CFAP210: variants seen among roughly 807,000 people sequenced by gnomAD.
CFAP210 encodes cilia- and flagella- associated protein 210.
the CFAP210 span, among the ~76,000 whole-genome samples, chr2:169,659,898 A>C: frequency 1.3e-5 from 2 of 152,124 alleles, no homozygotes; most frequent in South Asian, 4.1e-4. Context: ...TGTGTCTAGG[A>C]ACTTATCCAT....
chr2:169,663,613 T>C, the CFAP210 span, among the ~76,000 whole-genome samples: 2 of 152,204 alleles, frequency 1.3e-5, no homozygotes, highest in African/African-American at 4.8e-5. Context: ...ACTGTACAGT[T>C]AAGTGAGCCA....
At chr2:169,683,893 G>A in the CFAP210 span, among the ~76,000 whole-genome samples, 1 of 152,196 alleles carries the variant, frequency 6.6e-6, no homozygotes, top group East Asian at 1.9e-4. Context: ...CAGAAAGCTT[G>A]GGAAAGGCTT....
the CFAP210 span, among the ~76,000 whole-genome samples, chr2:169,647,417 G>GA: frequency 1.3e-5 from 2 of 151,956 alleles, no homozygotes; most frequent in Non-Finnish European, 2.9e-5. Flanking sequence ...AATATATAAA[G>GA]AAAAAGTTCC....
At chr2:169,659,595 T>G in the CFAP210 span, among the ~76,000 whole-genome samples, 1 of 152,296 alleles carries the variant, frequency 6.6e-6, no homozygotes, top group South Asian at 2.1e-4. Flanking sequence ...ATCTAATCAC[T>G]TCCCATCAGG....
chr2:169,645,925 A>G, the CFAP210 span: 2 of 1,613,972 alleles, frequency 1.2e-6, no homozygotes, highest in African/African-American at 2.7e-5. Flanking sequence ...GCTGGACTCC[A>G]GTAACATCAT....
chr2:169,662,271 TC>T, the CFAP210 span: 2 of 1,589,830 alleles, frequency 1.3e-6, no homozygotes, highest in South Asian at 2.4e-5. Context: ...TTTTGCCCTT[TC>T]AACTTACAAG....
chr2:169,682,261 A>T, the CFAP210 span, among the ~76,000 whole-genome samples: 2 of 152,246 alleles, frequency 1.3e-5, no homozygotes, highest in South Asian at 4.1e-4. Context: ...TAAGTAATGG[A>T]CTCAATCTCC....
chr2:169,659,789 C>A, the CFAP210 span, among the ~76,000 whole-genome samples: 1 of 152,180 alleles, frequency 6.6e-6, no homozygotes, highest in African/African-American at 2.4e-5. Flanking sequence ...TCAAAAGTTT[C>A]TTTACTGGAA....
At chr2:169,676,805 A>AT in the CFAP210 span, among the ~76,000 whole-genome samples, 1 of 152,194 alleles carries the variant, frequency 6.6e-6, no homozygotes, top group Non-Finnish European at 1.5e-5. Context: ...AGAAAAAAAA[A>AT]CAAGTGAGAA....
chr2:169,681,723 G>A, the CFAP210 span, among the ~76,000 whole-genome samples: 6 of 152,086 alleles, frequency 3.9e-5, no homozygotes, highest in Non-Finnish European at 7.4e-5. Flanking sequence ...GGGCCTAATT[G>A]GTTTAAGAAC....
At chr2:169,653,298 G>C in the CFAP210 span, among the ~76,000 whole-genome samples, 1 of 151,710 alleles carries the variant, frequency 6.6e-6, no homozygotes, top group South Asian at 2.1e-4. Context: ...GCAGAGGCCA[G>C]TCCAGTGCAG....
the CFAP210 span, among the ~76,000 whole-genome samples, chr2:169,650,715 A>G: frequency 6.7e-6 from 1 of 148,178 alleles, no homozygotes; most frequent in Non-Finnish European, 1.5e-5. Flanking sequence ...TAAAATCCAA[A>G]GACAGTAATA....
chr2:169,689,909 C>T, the CFAP210 span, among the ~76,000 whole-genome samples: 1 of 152,092 alleles, frequency 6.6e-6, no homozygotes, highest in East Asian at 1.9e-4. Context: ...TTAAACCAAC[C>T]TTGCATTCTT....
chr2:169,645,435 TTC>T, the CFAP210 span: 7 of 160,856 alleles, frequency 4.4e-5, no homozygotes, highest in Admixed American at 4.2e-4. Flanking sequence ...CACAGTATGA[TTC>T]TGTTTATTCA....
chr2:169,694,383 G>A, the CFAP210 span: 12 of 1,557,766 alleles, frequency 7.7e-6, no homozygotes, highest in Admixed American at 1.4e-4. Flanking sequence ...GACGCCAGCC[G>A]GTGGAGTTGT....
chr2:169,681,801 C>G, the CFAP210 span, among the ~76,000 whole-genome samples: 1 of 152,184 alleles, frequency 6.6e-6, no homozygotes, highest in Non-Finnish European at 1.5e-5. Context: ...GGTTTACTTG[C>G]AACTTTTAGA....
the CFAP210 span, among the ~76,000 whole-genome samples, chr2:169,675,640 C>T: frequency 2.0e-5 from 3 of 152,190 alleles, no homozygotes; most frequent in Non-Finnish European, 4.4e-5. Flanking sequence ...GCAGGCCCCA[C>T]CTCCAACACT....
At chr2:169,669,631 A>G in the CFAP210 span, among the ~76,000 whole-genome samples, 1 of 152,282 alleles carries the variant, frequency 6.6e-6, no homozygotes, top group Admixed American at 6.5e-5. Context: ...AAGATAAAGG[A>G]AAATGAGGAA....
At chr2:169,684,819 A>AT in the CFAP210 span, among the ~76,000 whole-genome samples, 7 of 151,872 alleles carry the variant, frequency 4.6e-5, no homozygotes, top group African/African-American at 7.2e-5. Flanking sequence ...TGCCCAGCTA[A>AT]TTTTTTTTGT....
Sources: allele counts gnomAD v4.1 joint callset (sites outside exome capture counted in the v4.1 genomes callset), GRCh38; gene constraint gnomAD v4.1.1; transcripts MANE v1.5; gene names NCBI Gene and HGNC (gene_info 2026-07-23, HGNC 2026-07-21).